Variants in ZNF438 observed in about 807,000 individuals in gnomAD.
ZNF438 encodes zinc finger protein 438.
Under a neutral mutation model 38.0 loss-of-function variants are expected in ZNF438, and 25 were observed. The observed-to-expected ratio is 0.66, with a 90% CI of 0.48 to 0.92. The LOEUF is 0.92. Ranked by LOEUF, ZNF438 falls within the 40% of genes least tolerant of loss-of-function variation. The pLI, the probability that ZNF438 is intolerant of heterozygous loss-of-function variation, is 0.00. For synonymous variants in ZNF438, 372 were observed against 364.1 expected, an observed-to-expected ratio of 1.02 and a Z score of -0.25; for missense variants, 1,007 against 999.6, an observed-to-expected ratio of 1.01 and a Z score of -0.10.
chr10:30,934,071 G>A (rs1021021596), intron 2 of ZNF438, among the ~76,000 whole-genome samples: 13 of 151,902 alleles, frequency 8.6e-5, no homozygotes, highest in East Asian at 5.8e-4. Context: ...GTGTGAACCC[G>A]GGAGGCGGAG....
intron 1 of ZNF438, among the ~76,000 whole-genome samples, chr10:30,997,042 AAAT>A (rs1322321577): frequency 1.3e-5 from 2 of 152,196 alleles, no homozygotes; most frequent in African/African-American, 4.8e-5. Flanking sequence ...CAGCTAAAGA[AAAT>A]AATACCCAGA....
At chr10:30,954,315 G>A (rs1386019667) in intron 1 of ZNF438, among the ~76,000 whole-genome samples, 1 of 152,084 alleles carries the variant, frequency 6.6e-6, no homozygotes, top group South Asian at 2.1e-4. Flanking sequence ...TAAAGAACCA[G>A]GACTTGATCT....
At chr10:31,009,528 A>G (rs142292239) in intron 1 of ZNF438, among the ~76,000 whole-genome samples, 17 of 152,344 alleles carry the variant, frequency 1.1e-4, no homozygotes, top group African/African-American at 4.1e-4. Context: ...ACTAAGTATT[A>G]TATGTGAGGT....
intron 1 of ZNF438, among the ~76,000 whole-genome samples, chr10:31,015,313 C>T (rs553636253): frequency 4.6e-5 from 7 of 152,194 alleles, no homozygotes; most frequent in South Asian, 2.1e-4. Flanking sequence ...TCGAGTCCTA[C>T]GTAAGATAAT....
chr10:30,876,686 T>C, intron 4 of ZNF438, among the ~76,000 whole-genome samples: 1 of 152,158 alleles, frequency 6.6e-6, no homozygotes, highest in East Asian at 1.9e-4. Context: ...GCCAACACTT[T>C]TTAATTTTAC....
intron 2 of ZNF438, among the ~76,000 whole-genome samples, chr10:30,933,433 T>A (rs559757709): frequency 7.2e-5 from 11 of 152,284 alleles, no homozygotes; most frequent in Admixed American, 7.2e-4. Flanking sequence ...GTCAAAATAA[T>A]ACTTGTTAAC....
intron 1 of ZNF438, among the ~76,000 whole-genome samples, chr10:30,963,552 G>C (rs1201862996): frequency 2.0e-5 from 3 of 152,132 alleles, no homozygotes; most frequent in Admixed American, 2.0e-4. Flanking sequence ...TTCAAATCAA[G>C]ATATAACTCA....
At chr10:30,947,554 C>T (rs1302528751) in intron 1 of ZNF438, among the ~76,000 whole-genome samples, 1 of 146,214 alleles carries the variant, frequency 6.8e-6, no homozygotes, top group Non-Finnish European at 1.5e-5. Flanking sequence ...GGGCTCCGCC[C>T]AGTTGGAGCT....
In ZNF438 at chr10:31,010,890, T is replaced by C. The variant is rs570515731; in HGVS notation, c.-192+20943A>G. 3.0e-3 allele frequency among the ~76,000 whole-genome samples: 221 copies of C among 72,566 alleles called. 3 individuals are homozygous for C. Among genetic ancestry groups the C allele is most frequent in the African/African-American group, 0.021 (214 of 10,138 alleles). 47.6% of individuals were successfully genotyped at this position (72,566 alleles called of 152,430 possible). A position where few individuals can be genotyped will look rare whatever the true frequency, so the allele number is the denominator to read the frequency against. On this transcript the variant is annotated intron_variant, in intron 1 of 5. Coordinates refer to ENST00000413025, the Ensembl canonical transcript of ZNF438. ...CCTGGATAACGAAGTGAGACCCTGT[T>C]TGAAAAAAAAAAAAAAAAAAAAAAA... is the stretch of plus-strand genomic sequence containing the variant.
intron 1 of ZNF438, among the ~76,000 whole-genome samples, chr10:30,962,833 A>C (rs1276454270): frequency 6.6e-6 from 1 of 152,152 alleles, no homozygotes; most frequent in African/African-American, 2.4e-5. Flanking sequence ...AATAAAAATT[A>C]AAGTGAGCAG....
At chr10:30,907,038 A>T (rs2042650790) in intron 3 of ZNF438, among the ~76,000 whole-genome samples, 1 of 152,158 alleles carries the variant, frequency 6.6e-6, no homozygotes, top group African/African-American at 2.4e-5. Context: ...GCAATGGTGT[A>T]ATTTTGGCTC....
At chr10:30,937,920 C>A (rs974555355) in intron 2 of ZNF438, among the ~76,000 whole-genome samples, 1 of 152,160 alleles carries the variant, frequency 6.6e-6, no homozygotes, top group Non-Finnish European at 1.5e-5. Flanking sequence ...CTCAGGAGGG[C>A]ATTCATGGTT....
intron 1 of ZNF438, among the ~76,000 whole-genome samples, chr10:30,956,658 T>C (rs536665017): frequency 2.4e-4 from 36 of 152,332 alleles, no homozygotes; most frequent in African/African-American, 8.4e-4. Flanking sequence ...ATGCCTGGCT[T>C]ATTTCACTTA....
intron 3 of ZNF438, among the ~76,000 whole-genome samples, chr10:30,907,061 G>C (rs2042652610): frequency 1.3e-5 from 2 of 152,156 alleles, no homozygotes; most frequent in African/African-American, 4.8e-5. Context: ...TGCAACCTCC[G>C]TCTCCTGGGT....
intron 2 of ZNF438, among the ~76,000 whole-genome samples, chr10:30,915,810 A>C (rs1049846754): frequency 1.3e-5 from 2 of 152,058 alleles, no homozygotes; most frequent in African/African-American, 4.8e-5. Flanking sequence ...ATGGGTCAAT[A>C]ATCAGTTCAA....
chr10:30,893,274 T>C (rs1359211734), intron 3 of ZNF438, among the ~76,000 whole-genome samples: 1 of 152,206 alleles, frequency 6.6e-6, no homozygotes, highest in Non-Finnish European at 1.5e-5. Flanking sequence ...CTGAAATATA[T>C]AAACAATGAA....
intron 1 of ZNF438, among the ~76,000 whole-genome samples, chr10:30,949,136 T>C (rs2047830946): frequency 6.6e-6 from 1 of 152,128 alleles, no homozygotes; most frequent in South Asian, 2.1e-4. Context: ...CAGAATTTCA[T>C]ATCCAGCCAA....
chr10:30,939,174 C>G (rs1460693326), intron 2 of ZNF438, among the ~76,000 whole-genome samples: 1 of 152,192 alleles, frequency 6.6e-6, no homozygotes, highest in African/African-American at 2.4e-5. Flanking sequence ...AGTAGACACT[C>G]ATGTGCTCAA....
Position 30,848,382 on chromosome 10 carries a change from T to C in ZNF438, c.1874+149A>G, listed in dbSNP as rs1174791142. ...AACCAGAGAGAAACAAGATCATTCT[T>C]CACAGATCTAGGAGGTATACATAGC... On this transcript the variant is annotated intron_variant, in intron 5 of 5. Transcript: ENST00000413025. 2.4e-5 allele frequency: 22 copies of C among 913,786 alleles called. No homozygotes were observed. The East Asian group carries it at 5.6e-4, about 23-fold the overall frequency. 56.6% of individuals were successfully genotyped at this position (913,786 alleles called of 1,614,324 possible).
Sources: allele counts gnomAD v4.1 joint callset (sites outside exome capture counted in the v4.1 genomes callset), GRCh38; gene constraint gnomAD v4.1.1; transcripts MANE v1.5; gene names NCBI Gene and HGNC (gene_info 2026-07-23, HGNC 2026-07-21).